The following AKR1B1 variants were observed in gnomAD, a reference collection of about 807,000 sequenced individuals.
AKR1B1 encodes the protein aldo-keto reductase family 1 member B, also known as aldo-keto reductase family 1 member B1.
AKR1B1 carries 22 observed loss-of-function variants against 40.4 expected under a neutral mutation model. The observed-to-expected ratio is 0.54, with a 90% confidence interval of 0.39 to 0.78. The LOEUF (loss-of-function observed/expected upper bound fraction) is 0.78, where lower values mean the gene tolerates loss of function less well. Among genes scored for constraint, AKR1B1 ranks in the 30% least tolerant of loss-of-function variants. AKR1B1 has a pLI of 0.00. For synonymous variants in AKR1B1, 157 were observed against 149.9 expected (o/e 1.05, Z -0.35); for missense variants, 357 against 396.7 (o/e 0.90, Z 0.85).
chr7:134,458,872 G>C, intron 1 of AKR1B1, 125 bp downstream of exon 1: 2 of 1,138,954 alleles, frequency 1.8e-6, no homozygotes, highest in Non-Finnish European at 2.5e-6. Flanking sequence ...AAGCCCGCGC[G>C]TGGCTCCCAG....
rs759209480 is a variant in AKR1B1, at chr7:134,449,128, A to G, written c.430-9T>C. The stretch of plus-strand genomic sequence containing the variant: ...ACCAGCTCTTCCATGGCCTACAGAG[A>G]AAAGTGTCTGTGTGGTGCAGAAACG... On this transcript the variant is annotated splice_polypyrimidine_tract_variant and intron_variant, in intron 4 of 9. Coordinates refer to ENST00000285930, the MANE Select transcript of AKR1B1 (RefSeq NM_001628.4). The G allele has an allele frequency of 6.2e-7, 1 of 1,613,012 alleles. No individual in the cohort carries two copies.
In AKR1B1 at chr7:134,445,374, A is replaced by C. The variant is rs556625192; in HGVS notation, c.826-54T>G. The C allele has an allele frequency of 2.1e-6, 3 of 1,458,216 alleles. No individual in the cohort carries two copies. The South Asian group carries it at 3.6e-5, about 17-fold the overall frequency. The allele number at this position is 1,458,216 out of a possible 1,614,324, so 90.3% of individuals were successfully genotyped here. A position where few individuals can be genotyped will look rare whatever the true frequency, so the allele number is the denominator to read the frequency against. ...GCTCTGCAAATAAAAATAAAAGACA[A>C]AATACTGTGCAGGACCCAGATGTCT... On this transcript the variant is annotated intron_variant, in intron 8 of 9. Coordinates refer to ENST00000285930, the MANE Select transcript of AKR1B1 (RefSeq NM_001628.4).
chr7:134,447,417 G>A, intron 7 of AKR1B1, 36 bp from the exon 8 acceptor site: 1 of 1,563,530 alleles, frequency 6.4e-7, no homozygotes, highest in Non-Finnish European at 8.8e-7. Flanking sequence ...GTGTATACAT[G>A]CCAGGCACTC....
chr7:134,443,005 C>T (rs1465678495), intron 9 of AKR1B1, among the ~76,000 whole-genome samples: 1 of 152,216 alleles, frequency 6.6e-6, no homozygotes, highest in Admixed American at 6.5e-5. Flanking sequence ...ACCACCCTCC[C>T]CATGTGCCCA....
intron 2 of AKR1B1, 136 bp downstream of exon 2, chr7:134,451,450 G>T (rs1806283822): frequency 9.1e-7 from 1 of 1,098,318 alleles, no homozygotes; most frequent in Non-Finnish European, 1.4e-6. Flanking sequence ...GTATGGCCGT[G>T]GGTGATACGT....
intron 1 of AKR1B1, among the ~76,000 whole-genome samples, chr7:134,454,837 A>C (rs1242198993): frequency 6.6e-6 from 1 of 152,206 alleles, no homozygotes; most frequent in African/African-American, 2.4e-5. Flanking sequence ...TTGGCAGCAG[A>C]AATTAACTTC....
At chr7:134,446,101 CA>C (rs1268286688) in intron 8 of AKR1B1, among the ~76,000 whole-genome samples, 2 of 152,152 alleles carry the variant, frequency 1.3e-5, no homozygotes, top group African/African-American at 4.8e-5. Context: ...CAGTAAGATG[CA>C]AAAATAAAAT....
At chr7:134,446,076 T>G (rs17167854) in intron 8 of AKR1B1, among the ~76,000 whole-genome samples, 43,359 of 152,148 alleles carry the variant, frequency 0.28, 6,893 homozygotes, top group African/African-American at 0.41. Context: ...CACAGAAAAA[T>G]GTGCAAAAGC....
At chr7:134,443,036 AG>A (rs1377690392) in intron 9 of AKR1B1, among the ~76,000 whole-genome samples, 4 of 152,312 alleles carry the variant, frequency 2.6e-5, no homozygotes, top group African/African-American at 9.6e-5. Flanking sequence ...TGGGCCGTGC[AG>A]GACGGCAACA....
chr7:134,451,424 C>T (rs776559895), intron 2 of AKR1B1, 162 bp downstream of exon 2: 21 of 838,658 alleles, frequency 2.5e-5, no homozygotes, highest in East Asian at 1.3e-4. Context: ...CAAGGATGGG[C>T]GAGCTCTGGA....
At chr7:134,451,450 G>C in intron 2 of AKR1B1, 136 bp downstream of exon 2, 1 of 1,098,324 alleles carries the variant, frequency 9.1e-7, no homozygotes, top group Non-Finnish European at 1.4e-6. Context: ...GTATGGCCGT[G>C]GGTGATACGT....
At chr7:134,448,266 G>C in intron 6 of AKR1B1, 121 bp downstream of exon 6, 2 of 994,330 alleles carry the variant, frequency 2.0e-6, no homozygotes, top group South Asian at 1.4e-5. Context: ...ACCAGCAAGA[G>C]GCTCAGGGGA....
intron 9 of AKR1B1, 27 bp downstream of exon 9, chr7:134,445,211 C>G: frequency 1.3e-6 from 2 of 1,593,488 alleles, no homozygotes; most frequent in Non-Finnish European, 8.6e-7. Flanking sequence ...CTCCTGGGAA[C>G]TGCTCCTCAC....
intron 1 of AKR1B1, among the ~76,000 whole-genome samples, chr7:134,452,856 T>C (rs1806332213): frequency 6.6e-6 from 1 of 152,074 alleles, no homozygotes. Context: ...CCAGAGCCTG[T>C]TAGCATGGAG....
In AKR1B1 at chr7:134,446,495, A is replaced by G. The variant is rs372340982; in HGVS notation, c.825+803T>C. On this transcript the variant is annotated intron_variant, in intron 8 of 9. Transcript: ENST00000285930. ...CGGCACAGATCTTGGATAAAGACAG[A>G]GCATCCCTGGCAGAGCCACTTTGCT... 2.0e-5 allele frequency among the ~76,000 whole-genome samples: 3 copies of G among 152,380 alleles called. No individual in the cohort carries two copies. In the East Asian group the frequency reaches 5.8e-4, roughly 29 times the overall value.
At chr7:134,452,688 T>C (rs1270370083) in intron 1 of AKR1B1, among the ~76,000 whole-genome samples, 3 of 152,346 alleles carry the variant, frequency 2.0e-5, no homozygotes, top group East Asian at 1.9e-4. Flanking sequence ...CAGCGGGCTG[T>C]TGAATGAACA....
At chr7:134,458,436 C>T (rs929425974) in intron 1 of AKR1B1, among the ~76,000 whole-genome samples, 2 of 152,150 alleles carry the variant, frequency 1.3e-5, no homozygotes, top group African/African-American at 2.4e-5. Context: ...CTCGCGCCAC[C>T]TAATTCTCTG....
At position 134,447,295 on chromosome 7, in the gene AKR1B1, T is replaced by C. The variant is rs1806131636; in HGVS notation, c.825+3A>G. On this transcript the variant is annotated splice_donor_region_variant and intron_variant, in intron 8 of 9. Transcript: ENST00000285930. The stretch of plus-strand genomic sequence containing the variant: ...GGCCAGGCCTGACCAGCCAAGATCT[T>C]ACCTTAAAGTTCTCAGCAATGCGTT... 1 of 1,613,652 alleles carries C rather than the reference T, an allele frequency of 6.2e-7. No homozygotes were observed. The highest frequency in any genetic ancestry group is 1.7e-5 in the Admixed American group (1 of 59,994).
intron 1 of AKR1B1, among the ~76,000 whole-genome samples, chr7:134,455,277 G>T (rs1806434565): frequency 1.3e-5 from 2 of 152,164 alleles, no homozygotes; most frequent in African/African-American, 4.8e-5. Context: ...GCCATAAGCA[G>T]AAGTACAATA....
Sources: gnomAD v4.1 joint callset for allele counts (sites outside exome capture counted in the v4.1 genomes callset) on GRCh38, gnomAD v4.1.1 for gene constraint, MANE v1.5 for transcripts, NCBI Gene and HGNC (gene_info 2026-07-23, HGNC 2026-07-21) for gene names.